MEX3A: variants seen among roughly 807,000 people sequenced by gnomAD.
MEX3A encodes the protein mex-3 RNA binding family member A.
MEX3A carries 4 observed loss-of-function variants against 30.0 expected under a neutral mutation model. That is an observed-to-expected ratio of 0.13 (90% CI 0.07 to 0.30). MEX3A has a LOEUF of 0.30. Ranked by LOEUF, MEX3A falls within the 10% of genes least tolerant of loss-of-function variation. The pLI is 1.00. For synonymous variants in MEX3A, 335 were observed against 327.6 expected (o/e 1.02, Z -0.24); for missense variants, 555 against 736.7 (o/e 0.75, Z 2.86).
In MEX3A at chr1:156,074,679, G is replaced by C. The variant is rs1431213018; in HGVS notation, c.*1895C>G. The C allele has an allele frequency of 6.9e-6, 1 of 144,854 alleles. No homozygotes were observed. 9.0% of individuals were successfully genotyped at this position (144,854 alleles called of 1,614,324 possible). On this transcript the variant is annotated 3_prime_UTR_variant, in exon 2 of 2. Coordinates refer to ENST00000532414, the MANE Select transcript of MEX3A (RefSeq NM_001093725.2). ...CCACCCCCCTCCCCACCTGCCCCCC[G>C]GCAACCGAGGGTGCCCATTTGGTTT...
At position 156,076,832 on chromosome 1, in the gene MEX3A, G is replaced by C; in HGVS notation, c.1305C>G (p.Pro435=). Residue 435 remains proline (P), a synonymous_variant, in exon 2 of 2, where the codon CCC becomes CCG. Coordinates refer to ENST00000532414, the MANE Select transcript of MEX3A (RefSeq NM_001093725.2). The surrounding 1 kb of genome is among the most constrained non-coding windows in gnomAD (Gnocchi z 6.0). The part of the protein sequence containing the change: ...AHRSPATSAG[P]ELAGLPRRPP... ...GGCGCCTCGGGAGTCCGGCCAGCTC[G>C]GGTCCCGCGGAAGTGGCAGGGGAGC... 4 of 1,548,376 alleles carry C rather than the reference G, an allele frequency of 2.6e-6. No homozygotes were observed. The highest frequency in any genetic ancestry group is 3.5e-6 in the Non-Finnish European group (4 of 1,145,982).
At position 156,077,175 on chromosome 1, in the gene MEX3A, C is replaced by G; in HGVS notation, c.962G>C (p.Trp321Ser). 1 of 1,613,494 alleles carries G rather than the reference C, an allele frequency of 6.2e-7. No individual in the cohort carries two copies. ...CTTGCAGCCGGGCTGGTGCACCCGC[C>G]AGGCGTCGGAGTAGCGGCTATCGAT... ...AAIDSRYSDA[W>S]RVHQPGCKPL... The change falls in exon 2 of 2, where the codon TGG becomes TCG. Residue 321 changes from tryptophan to serine, a missense_variant. By Grantham distance (177) the Trp-to-Ser change is radical. Coordinates refer to ENST00000532414, the MANE Select transcript of MEX3A (RefSeq NM_001093725.2). This position sits in a 1 kb window ranked among gnomAD's most constrained non-coding sequence, Gnocchi z 8.3.
intron 1 of MEX3A, among the ~76,000 whole-genome samples, chr1:156,078,631 G>A (rs1326286496): frequency 6.6e-6 from 1 of 152,114 alleles, no homozygotes; most frequent in Admixed American, 6.5e-5. Flanking sequence ...AGAAAAGTAA[G>A]GGCTATTCTG....
rs532702489 is a variant in MEX3A, at chr1:156,077,582, G to A, written c.555C>T (p.Asp185=). The A allele has an allele frequency of 1.6e-5, 26 of 1,611,836 alleles. No individual in the cohort carries two copies. The East Asian group carries it at 2.0e-4, about 12-fold the overall frequency. ...PVFMVTGRRE[D]VATARREIIS... Reference sequence around the variant, plus strand: ...TGATTTCCCGCCGGGCTGTGGCCACGTCCTCCCGTCGCCCTGTCACCATGA... The same window carrying A: ...TGATTTCCCGCCGGGCTGTGGCCACATCCTCCCGTCGCCCTGTCACCATGA... Residue 185 remains aspartate, a synonymous_variant, in exon 2 of 2, where the codon GAC becomes GAT. Transcript: ENST00000532414. The surrounding 1 kb of genome is among the most constrained non-coding windows in gnomAD (Gnocchi z 8.3).
chr1:156,077,792 T>C lies in MEX3A; in HGVS notation c.455-110A>G, dbSNP rs1251340220. On this transcript the variant is annotated intron_variant, in intron 1 of 1. Transcript: ENST00000532414. This position sits in a 1 kb window ranked among gnomAD's most constrained non-coding sequence, Gnocchi z 8.3. Reference sequence around the variant, plus strand: ...CAAATACCTAGCCTCCCAGGAACACTTCAGTCTACCCTTTGAAATGCCCAC... The same window carrying C: ...CAAATACCTAGCCTCCCAGGAACACCTCAGTCTACCCTTTGAAATGCCCAC... 5 of 1,425,902 alleles carry C rather than the reference T, an allele frequency of 3.5e-6. No homozygotes were observed. The South Asian group carries it at 5.9e-5, about 17-fold the overall frequency. The allele number at this position is 1,425,902 out of a possible 1,614,324, so 88.3% of individuals were successfully genotyped here.
intron 1 of MEX3A, among the ~76,000 whole-genome samples, chr1:156,078,763 G>A (rs754780902): frequency 2.0e-5 from 3 of 152,050 alleles, no homozygotes; most frequent in Non-Finnish European, 2.9e-5. Flanking sequence ...GGAAGCACAC[G>A]TCACGTGTGT....
At chr1:156,079,556 G>T (rs753779733) in intron 1 of MEX3A, among the ~76,000 whole-genome samples, 1 of 152,156 alleles carries the variant, frequency 6.6e-6, no homozygotes, top group Non-Finnish European at 1.5e-5. Context: ...AGGAAAATTT[G>T]CTTGTTTCCT....
rs1479421842 is a variant in MEX3A, at chr1:156,074,922, T to G, written c.*1652A>C. 1 of 152,744 alleles carries G rather than the reference T, an allele frequency of 6.5e-6. No homozygotes were observed. Among genetic ancestry groups the G allele is most frequent in the Non-Finnish European group, 1.5e-5 (1 of 68,046 alleles). The allele number at this position is 152,744 out of a possible 1,614,324, so 9.5% of individuals were successfully genotyped here. Reference sequence around the variant, plus strand: ...CTGCTCCATCCAGGAAGAATGGGACTCTGGAGCTTTAAGTGCTCGGGTGAT... The same window carrying G: ...CTGCTCCATCCAGGAAGAATGGGACGCTGGAGCTTTAAGTGCTCGGGTGAT... On this transcript the variant is annotated 3_prime_UTR_variant, in exon 2 of 2. Transcript: ENST00000532414.
intron 1 of MEX3A, among the ~76,000 whole-genome samples, chr1:156,078,035 T>C (rs1648119760): frequency 6.6e-6 from 1 of 152,080 alleles, no homozygotes; most frequent in Admixed American, 6.5e-5. Flanking sequence ...CACTCCTTTC[T>C]CCCAACATTT....
chr1:156,081,474 T>G, intron 1 of MEX3A, 71 bp downstream of exon 1: 19 of 1,357,830 alleles, frequency 1.4e-5, no homozygotes, highest in African/African-American at 2.9e-5. Context: ...AGGGAAGAAA[T>G]GAACTTTCCG....
chr1:156,078,306 G>T (rs1283243359), intron 1 of MEX3A, among the ~76,000 whole-genome samples: 1 of 152,096 alleles, frequency 6.6e-6, no homozygotes, highest in Non-Finnish European at 1.5e-5. Context: ...AATTCATAGC[G>T]AGTTTGCAGC....
chr1:156,082,074 A>G lies in MEX3A; in HGVS notation c.-76T>C, dbSNP rs1572302197. ...GGTGGAAGGGAAAAGAGGAGAGAGG[A>G]GGGGAGGGGAGAGGAGAGGAGGGGG... On this transcript the variant is annotated 5_prime_UTR_variant, in exon 1 of 2. Transcript: ENST00000532414. The G allele has an allele frequency of 3.7e-5, 8 of 214,280 alleles. No homozygotes were observed. The highest frequency in any genetic ancestry group is 1.3e-4 in the South Asian group (3 of 23,316). The allele number at this position is 214,280 out of a possible 1,614,324, so 13.3% of individuals were successfully genotyped here. A position where few individuals can be genotyped will look rare whatever the true frequency, so the allele number is the denominator to read the frequency against.
At position 156,073,551 on chromosome 1, in the gene MEX3A, C is replaced by A. The variant is rs1378583410; in HGVS notation, c.*3023G>T. The A allele has an allele frequency of 8.5e-5, 13 of 152,590 alleles. No homozygotes were observed. Among genetic ancestry groups the A allele is most frequent in the Non-Finnish European group, 5.9e-5 (4 of 68,026 alleles). 9.5% of individuals were successfully genotyped at this position (152,590 alleles called of 1,614,324 possible). The stretch of plus-strand genomic sequence containing the variant: ...TATACATTCTACTGGACCCAGGGGC[C>A]CTCAATGCTACTAAACTTTAAGCTA... On this transcript the variant is annotated 3_prime_UTR_variant, in exon 2 of 2. Transcript: ENST00000532414.
chr1:156,081,635 C>T lies in MEX3A; in HGVS notation c.364G>A (p.Ala122Thr). The T allele has an allele frequency of 1.3e-6, 2 of 1,557,800 alleles. No individual in the cohort carries two copies. The highest frequency in any genetic ancestry group is 2.4e-5 in the East Asian group (1 of 41,650). ...DAKLCALYKEAELRLKGSSNT... is the reference protein window; with the variant it reads ...DAKLCALYKETELRLKGSSNT... ...CTGCTGCCCTTCAGGCGCAGCTCGG[C>T]CTCTTTGTAGAGAGCGCAGAGCTTG... The change falls in exon 1 of 2, where the codon GCC becomes ACC. Residue 122 changes from alanine to threonine, a missense_variant. This residue lies in a region of MEX3A where 159 missense variants were observed against 159.9 expected (regional missense o/e 0.99). Transcript: ENST00000532414.
chr1:156,078,533 A>G (rs562994128), intron 1 of MEX3A, among the ~76,000 whole-genome samples: 1 of 152,274 alleles, frequency 6.6e-6, no homozygotes, highest in South Asian at 2.1e-4. Flanking sequence ...TTGAAGTAGA[A>G]GTGAGTTAAA....
chr1:156,077,700 A>T lies in MEX3A; in HGVS notation c.455-18T>A. ...CTTGCAGCCTGGGATAGGGCGGGGAAGGAGAGAGACAAAGAAACGCACACA... is the reference window on the plus strand; with the variant it reads ...CTTGCAGCCTGGGATAGGGCGGGGATGGAGAGAGACAAAGAAACGCACACA... On this transcript the variant is annotated intron_variant, in intron 1 of 1. Transcript: ENST00000532414. The surrounding 1 kb of genome is among the most constrained non-coding windows in gnomAD (Gnocchi z 8.3). 6.4e-7 allele frequency: 1 copy of T among 1,557,342 alleles called. No homozygotes were observed. Among genetic ancestry groups the T allele is most frequent in the Non-Finnish European group, 8.6e-7 (1 of 1,156,416 alleles).
rs1379387310 is a variant in MEX3A, at chr1:156,076,249, C to G, written c.*325G>C. The G allele has an allele frequency of 8.4e-6, 2 of 239,084 alleles. No homozygotes were observed. Among genetic ancestry groups the G allele is most frequent in the Non-Finnish European group, 1.6e-5 (2 of 124,072 alleles). 14.8% of individuals were successfully genotyped at this position (239,084 alleles called of 1,614,324 possible). ...CACAGCGGGGGAGGTGGGCAGAGGG[C>G]GTCAGAATGCCTTAGTGGCCACCTC... is the stretch of plus-strand genomic sequence containing the variant. On this transcript the variant is annotated 3_prime_UTR_variant, in exon 2 of 2. Coordinates refer to ENST00000532414, the MANE Select transcript of MEX3A (RefSeq NM_001093725.2). This position sits in a 1 kb window ranked among gnomAD's most constrained non-coding sequence, Gnocchi z 6.0.
At position 156,076,879 on chromosome 1, in the gene MEX3A, C is replaced by A. The variant is rs956595778; in HGVS notation, c.1258G>T (p.Ala420Ser). Residue 420 changes from alanine to serine, a missense_variant, in exon 2 of 2, where the codon GCT becomes TCT. Physicochemically the swap from Ala to Ser is moderately conservative, Grantham distance 99 (BLOSUM62 1). Around this residue, in one of 6 missense-constraint regions of MEX3A, gnomAD observed 281 missense variants for 265.1 expected, o/e 1.06. Coordinates refer to ENST00000532414, the MANE Select transcript of MEX3A (RefSeq NM_001093725.2). The surrounding 1 kb of genome is among the most constrained non-coding windows in gnomAD (Gnocchi z 6.0). ...GAGCGGTGTGCGCCCGGGGGCCCAG[C>A]GCGGGCCTTGGCGGAAGAGGAGGAG... is the stretch of plus-strand genomic sequence containing the variant. ...SSSSSSAKAR[A>S]GPPGAHRSPA... The A allele has an allele frequency of 1.9e-6, 3 of 1,540,932 alleles. No homozygotes were observed. The highest frequency in any genetic ancestry group is 2.7e-5 in the African/African-American group (2 of 72,936).
In MEX3A at chr1:156,076,384, G is replaced by A; in HGVS notation, c.*190C>T. The A allele has an allele frequency of 1.7e-6, 1 of 586,430 alleles. No homozygotes were observed. The highest frequency in any genetic ancestry group is 2.5e-5 in the South Asian group (1 of 40,668). 36.3% of individuals were successfully genotyped at this position (586,430 alleles called of 1,614,324 possible). On this transcript the variant is annotated 3_prime_UTR_variant, in exon 2 of 2. Coordinates refer to ENST00000532414, the MANE Select transcript of MEX3A (RefSeq NM_001093725.2). This position sits in a 1 kb window ranked among gnomAD's most constrained non-coding sequence, Gnocchi z 6.0. ...GTCTGGCCCCCTCCCAATCTTTCCA[G>A]GACAGGGTGACCAGAGGCTCTGAAA...
Sources: gnomAD v4.1 joint callset for allele counts (sites outside exome capture counted in the v4.1 genomes callset) on GRCh38, gnomAD v4.1.1 for gene constraint, gnomAD v4.1.1 regional missense constraint, Gnocchi (gnomAD v3.1) non-coding constraint, MANE v1.5 for transcripts, NCBI Gene and HGNC (gene_info 2026-07-23, HGNC 2026-07-21) for gene names.